LTBP1: variants seen among roughly 807,000 people sequenced by gnomAD.
LTBP1 encodes latent-transforming growth factor beta-binding protein 1.
In LTBP1, 129 loss-of-function variants were observed where a neutral mutation model predicts 207.6. The observed-to-expected ratio is 0.62, with a 90% confidence interval of 0.54 to 0.72. The LOEUF (loss-of-function observed/expected upper bound fraction) is 0.72. LTBP1 is among the 30% of genes least tolerant of loss of function. LTBP1 has a pLI of 0.00. For missense variants in LTBP1, 2,281 were observed against 2,217.2 expected, an observed-to-expected ratio of 1.03 and a Z score of -0.58; for synonymous variants, 963 against 833.7, an observed-to-expected ratio of 1.16 and a Z score of -2.67.
chr2:33,386,863 C>T (rs369901948), intron 31 of LTBP1, among the ~76,000 whole-genome samples: 13 of 146,646 alleles, frequency 8.9e-5, no homozygotes, highest in Non-Finnish European at 4.5e-5. Flanking sequence ...CGGAGTCTCG[C>T]TCTATCACCC....
At position 33,187,076 on chromosome 2, in the gene LTBP1, C is replaced by A; in HGVS notation, c.1422C>A (p.Val474=). ...TGACCGTGACTAGCCAGCAAGGAGT[C>A]AAAGGTAAGCTTTTTTCATTCCGCC... ...LPLTVTSQQG[V]KVKFPPNIVN... Residue 474 remains valine, a synonymous_variant, in exon 6 of 34, where the codon GTC becomes GTA. Coordinates refer to ENST00000404816, the MANE Select transcript of LTBP1 (RefSeq NM_206943.4). The A allele has an allele frequency of 6.2e-7, 1 of 1,613,324 alleles. No individual in the cohort carries two copies. Among genetic ancestry groups the A allele is most frequent in the South Asian group, 1.1e-5 (1 of 90,984 alleles).
chr2:33,190,036 GAAA>G (rs901841829), intron 7 of LTBP1, among the ~76,000 whole-genome samples: 12 of 151,212 alleles, frequency 7.9e-5, no homozygotes, highest in Non-Finnish European at 1.2e-4. Context: ...TCAAAAGAAA[GAAA>G]AAAAAATTCA....
At chr2:33,086,988 G>A (rs920342973) in intron 3 of LTBP1, among the ~76,000 whole-genome samples, 2 of 149,682 alleles carry the variant, frequency 1.3e-5, no homozygotes, top group Admixed American at 1.3e-4. Flanking sequence ...GTGGGCACTT[G>A]ATCACAGAGA....
At position 33,323,889 on chromosome 2, in the gene LTBP1, T is replaced by C. The variant is rs575611320; in HGVS notation, c.3730+8620T>C. Among the ~76,000 whole-genome samples, 3 of 152,328 alleles carry C rather than the reference T, an allele frequency of 2.0e-5. No homozygotes were observed. In the South Asian group the frequency reaches 6.2e-4, roughly 32 times the overall value. On this transcript the variant is annotated intron_variant, in intron 24 of 33. Transcript: ENST00000404816. ...CCTGCATAACTACTGGGTGTAGTAGTGGCTAAGAAGTTATGCTGGTGAGTT... is the reference window on the plus strand; with the variant it reads ...CCTGCATAACTACTGGGTGTAGTAGCGGCTAAGAAGTTATGCTGGTGAGTT...
At chr2:32,972,377 A>T (rs1429141307) in intron 2 of LTBP1, among the ~76,000 whole-genome samples, 1 of 151,378 alleles carries the variant, frequency 6.6e-6, no homozygotes, top group East Asian at 1.9e-4. Context: ...TAGTTCTTCT[A>T]GGTGTAATGT....
intron 3 of LTBP1, among the ~76,000 whole-genome samples, chr2:33,032,069 AAAT>A (rs2075714577): frequency 6.6e-6 from 1 of 152,210 alleles, no homozygotes; most frequent in Non-Finnish European, 1.5e-5. Flanking sequence ...CCAGTCAAGA[AAAT>A]AATTCCTTTG....
At chr2:33,224,893 A>T (rs992945237) in intron 9 of LTBP1, among the ~76,000 whole-genome samples, 2 of 152,076 alleles carry the variant, frequency 1.3e-5, no homozygotes, top group African/African-American at 4.8e-5. Flanking sequence ...ACATTTGTCT[A>T]TTTCACTAAT....
chr2:33,392,361 A>G (rs983676722), intron 32 of LTBP1, among the ~76,000 whole-genome samples: 10 of 152,086 alleles, frequency 6.6e-5, no homozygotes, highest in African/African-American at 2.4e-4. Context: ...TAATTTTTGC[A>G]TTTTTAGTAG....
At chr2:33,234,712 G>T (rs531017594) in intron 9 of LTBP1, among the ~76,000 whole-genome samples, 1 of 152,124 alleles carries the variant, frequency 6.6e-6, no homozygotes, top group East Asian at 1.9e-4. Context: ...CACAGAATTA[G>T]AAAAACTACT....
intron 32 of LTBP1, 132 bp from the exon 33 acceptor site, chr2:33,397,001 C>T: frequency 1.4e-6 from 1 of 736,506 alleles, no homozygotes; most frequent in Non-Finnish European, 2.1e-6. Context: ...CTAATGCTAA[C>T]TTTAAGATGT....
At chr2:33,128,166 G>GAC (rs1157171132) in intron 4 of LTBP1, among the ~76,000 whole-genome samples, 15 of 152,310 alleles carry the variant, frequency 9.8e-5, no homozygotes, top group Non-Finnish European at 2.2e-4. Context: ...CATTTAGTCA[G>GAC]ACATGCTTCT....
At chr2:33,302,976 C>CACACACAA (rs2094014980) in intron 22 of LTBP1, among the ~76,000 whole-genome samples, 1 of 142,828 alleles carries the variant, frequency 7.0e-6, no homozygotes, top group East Asian at 2.0e-4. Flanking sequence ...CACACACACA[C>CACACACAA]ACACACACAA....
At chr2:33,216,115 C>T (rs2090678159) in intron 7 of LTBP1, among the ~76,000 whole-genome samples, 1 of 152,090 alleles carries the variant, frequency 6.6e-6, no homozygotes, top group African/African-American at 2.4e-5. Flanking sequence ...GCAGCGTTTC[C>T]TGAGCATTTG....
At chr2:33,305,825 A>G (rs2094080940) in intron 22 of LTBP1, among the ~76,000 whole-genome samples, 1 of 152,188 alleles carries the variant, frequency 6.6e-6, no homozygotes, top group Non-Finnish European at 1.5e-5. Context: ...AAGAGAAGAA[A>G]GTGTTTCAAG....
intron 5 of LTBP1, among the ~76,000 whole-genome samples, chr2:33,170,597 A>G (rs1347163059): frequency 1.3e-5 from 2 of 152,172 alleles, no homozygotes; most frequent in Non-Finnish European, 2.9e-5. Flanking sequence ...GACAAACAAA[A>G]AGACAGCAGT....
At chr2:33,015,948 C>A (rs1428847759) in intron 2 of LTBP1, among the ~76,000 whole-genome samples, 1 of 152,168 alleles carries the variant, frequency 6.6e-6, no homozygotes, top group Non-Finnish European at 1.5e-5. Context: ...ATGGTGCTAA[C>A]CCATTAATGA....
chr2:33,025,532 C>A (rs990332941), intron 3 of LTBP1, among the ~76,000 whole-genome samples: 2 of 152,120 alleles, frequency 1.3e-5, no homozygotes, highest in African/African-American at 4.8e-5. Context: ...ATGTTTCTAT[C>A]CTGTTTCAAA....
intron 3 of LTBP1, among the ~76,000 whole-genome samples, chr2:33,043,154 T>C (rs1416619341): frequency 1.3e-5 from 2 of 152,206 alleles, no homozygotes; most frequent in Non-Finnish European, 2.9e-5. Flanking sequence ...CAGCAAATGT[T>C]CCATGTCTCA....
At chr2:33,332,016 A>G (rs532811564) in intron 24 of LTBP1, among the ~76,000 whole-genome samples, 46 of 152,220 alleles carry the variant, frequency 3.0e-4, no homozygotes, top group Non-Finnish European at 4.4e-5. Flanking sequence ...TCATCTTAAA[A>G]CAAGATTTTA....
Sources: gnomAD v4.1 joint callset for allele counts (sites outside exome capture counted in the v4.1 genomes callset) on GRCh38, gnomAD v4.1.1 for gene constraint, MANE v1.5 for transcripts, NCBI Gene and HGNC (gene_info 2026-07-23, HGNC 2026-07-21) for gene names.